The following DUSP16 variants were observed in gnomAD, a reference collection of about 807,000 sequenced individuals.
DUSP16 encodes the protein dual specificity protein phosphatase 16.
DUSP16 carries 21 observed loss-of-function variants against 58.3 expected under a neutral mutation model. The ratio of observed to expected loss-of-function variants is 0.36; its 90% CI spans 0.26 to 0.52. The LOEUF (loss-of-function observed/expected upper bound fraction) is 0.52. Among genes scored for constraint, DUSP16 ranks in the 20% least tolerant of loss-of-function variants. The pLI, the probability that DUSP16 is intolerant of heterozygous loss-of-function variation, is 0.94. For missense variants in DUSP16, 726 were observed against 819.0 expected (o/e 0.89, Z 1.39); for synonymous variants, 320 against 323.8 (o/e 0.99, Z 0.12).
intron 1 of DUSP16, among the ~76,000 whole-genome samples, chr12:12,561,587 C>CGGTT (rs1343829584): frequency 1.3e-5 from 2 of 152,210 alleles, no homozygotes; most frequent in African/African-American, 4.8e-5. Flanking sequence ...AGGGCTTTTT[C>CGGTT]GGTTGGTTGG....
chr12:12,493,188 C>T (rs1565989635), intron 4 of DUSP16, among the ~76,000 whole-genome samples: 1 of 152,136 alleles, frequency 6.6e-6, no homozygotes, highest in Non-Finnish European at 1.5e-5. Flanking sequence ...TCGAACTCAG[C>T]GTGTCCAGAA....
intron 2 of DUSP16, among the ~76,000 whole-genome samples, chr12:12,520,603 G>A (rs1158093464): frequency 2.6e-5 from 4 of 152,166 alleles, no homozygotes; most frequent in African/African-American, 9.7e-5. Context: ...ATATAGAATA[G>A]TGTTTAATAA....
chr12:12,474,899 A>G lies in DUSP16; in HGVS notation c.*1934T>C, dbSNP rs1023929822. 2 of 152,212 alleles carry G rather than the reference A, an allele frequency of 1.3e-5. No homozygotes were observed. The highest frequency in any genetic ancestry group is 2.4e-5 in the African/African-American group (1 of 41,446). The allele number at this position is 152,212 out of a possible 1,614,324, so 9.4% of individuals were successfully genotyped here. ...AATGTCTGATTAAAGATTTCAATGTATATCTAAAAACTAACTCAAATCGTT... is the reference window on the plus strand; with the variant it reads ...AATGTCTGATTAAAGATTTCAATGTGTATCTAAAAACTAACTCAAATCGTT... On this transcript the variant is annotated 3_prime_UTR_variant, in exon 7 of 7. Transcript: ENST00000298573.
At chr12:12,480,166 C>A in intron 6 of DUSP16, 57 bp downstream of exon 6, 1 of 1,592,810 alleles carries the variant, frequency 6.3e-7, no homozygotes, top group Non-Finnish European at 8.6e-7. Context: ...CCTCATCATT[C>A]TTTATGTTTC....
intron 1 of DUSP16, among the ~76,000 whole-genome samples, chr12:12,540,949 C>CTTTTTTTTT (rs1191975095): frequency 8.0e-4 from 35 of 43,806 alleles, no homozygotes; most frequent in Non-Finnish European, 1.1e-3. Context: ...CTTTTCTTTT[C>CTTTTTTTTT]TTTTTTTTTT....
intron 4 of DUSP16, 38 bp from the exon 5 acceptor site, chr12:12,487,225 A>G: frequency 6.3e-7 from 1 of 1,598,434 alleles, no homozygotes. Context: ...GTGACTAATA[A>G]TATAGTAAAC....
chr12:12,552,767 A>T (rs898942356), intron 1 of DUSP16, among the ~76,000 whole-genome samples: 3 of 152,074 alleles, frequency 2.0e-5, no homozygotes, highest in Non-Finnish European at 4.4e-5. Context: ...TATTATTTAT[A>T]TCAACCCTCT....
chr12:12,498,660 C>T (rs1943867422), intron 4 of DUSP16, among the ~76,000 whole-genome samples: 1 of 152,110 alleles, frequency 6.6e-6, no homozygotes, highest in South Asian at 2.1e-4. Flanking sequence ...AATGATCTGC[C>T]CACCTGACCC....
intron 4 of DUSP16, among the ~76,000 whole-genome samples, chr12:12,496,000 G>A (rs1012101934): frequency 9.2e-5 from 14 of 152,210 alleles, no homozygotes; most frequent in Admixed American, 3.9e-4. Context: ...TTATTGTGGC[G>A]TGTAGGTAAA....
rs767735159 is a variant in DUSP16, at chr12:12,519,811, C to T, written c.367+51G>A. Reference sequence around the variant, plus strand: ...GAGTTCACAGTGAAATATGCTTACTCATACAGCTCAGCAAGATTCTGAGTC... The same window carrying T: ...GAGTTCACAGTGAAATATGCTTACTTATACAGCTCAGCAAGATTCTGAGTC... On this transcript the variant is annotated intron_variant, in intron 3 of 6. Transcript: ENST00000298573. 9.4e-6 allele frequency: 15 copies of T among 1,599,344 alleles called. No homozygotes were observed. In the South Asian group the frequency reaches 1.5e-4, roughly 17 times the overall value.
At chr12:12,504,498 G>A (rs1450546252) in intron 3 of DUSP16, among the ~76,000 whole-genome samples, 5 of 152,218 alleles carry the variant, frequency 3.3e-5, no homozygotes, top group South Asian at 2.1e-4. Flanking sequence ...CTAGGCACAA[G>A]TGATCTACCC....
intron 5 of DUSP16, among the ~76,000 whole-genome samples, chr12:12,485,029 A>C (rs1228687923): frequency 2.2e-5 from 3 of 137,712 alleles, no homozygotes; most frequent in African/African-American, 8.2e-5. Flanking sequence ...TTTTTTTTTG[A>C]GATAGAGTTT....
intron 1 of DUSP16, among the ~76,000 whole-genome samples, chr12:12,548,533 G>A (rs1944679213): frequency 6.7e-6 from 1 of 148,510 alleles, no homozygotes; most frequent in Non-Finnish European, 1.5e-5. Context: ...TCGGGAAGCT[G>A]AGGAAAGAGA....
intron 1 of DUSP16, among the ~76,000 whole-genome samples, chr12:12,555,651 G>A (rs913215380): frequency 6.6e-6 from 1 of 152,090 alleles, no homozygotes. Flanking sequence ...AAACAAACCT[G>A]AATTCTTCTG....
At chr12:12,504,272 CT>C (rs201675995) in intron 3 of DUSP16, among the ~76,000 whole-genome samples, 1 of 151,918 alleles carries the variant, frequency 6.6e-6, no homozygotes, top group Non-Finnish European at 1.5e-5. Context: ...TGGTGTTTCT[CT>C]TTTTTTTCTT....
chr12:12,560,946 T>TCACACACCCACACCCACACACA (rs56190302), intron 1 of DUSP16: 3 of 148,144 alleles, frequency 2.0e-5, no homozygotes, highest in South Asian at 2.2e-4. Flanking sequence ...ATGGTAAATT[T>TCACACACCCACACCCACACACA]CACACACACA....
At chr12:12,541,573 G>A (rs551761029) in intron 1 of DUSP16, among the ~76,000 whole-genome samples, 2 of 152,272 alleles carry the variant, frequency 1.3e-5, no homozygotes, top group South Asian at 4.1e-4. Context: ...TAGTTGGAAT[G>A]AGCTGTCTGT....
At chr12:12,533,990 G>A (rs117332157) in intron 1 of DUSP16, among the ~76,000 whole-genome samples, 1 of 152,342 alleles carries the variant, frequency 6.6e-6, no homozygotes, top group Non-Finnish European at 1.5e-5. Context: ...ATTATGGTGT[G>A]AGAGTTTATA....
chr12:12,476,770 C>A lies in DUSP16; in HGVS notation c.*63G>T. On this transcript the variant is annotated 3_prime_UTR_variant, in exon 7 of 7. Coordinates refer to ENST00000298573, the MANE Select transcript of DUSP16 (RefSeq NM_030640.3). Reference sequence around the variant, plus strand: ...TGTACATATATATATTTCAGATTTACAGGGAATTTTTTTGTGAACAAGAAA... The same window carrying A: ...TGTACATATATATATTTCAGATTTAAAGGGAATTTTTTTGTGAACAAGAAA... 2.8e-6 allele frequency: 4 copies of A among 1,447,514 alleles called. No homozygotes were observed. In the South Asian group the frequency reaches 5.4e-5, roughly 20 times the overall value. The allele number at this position is 1,447,514 out of a possible 1,614,324, so 89.7% of individuals were successfully genotyped here.
Sources: allele counts gnomAD v4.1 joint callset (sites outside exome capture counted in the v4.1 genomes callset), GRCh38; gene constraint gnomAD v4.1.1; transcripts MANE v1.5; gene names NCBI Gene and HGNC (gene_info 2026-07-23, HGNC 2026-07-21).